Variants in EPS15 observed in about 807,000 individuals in gnomAD.
EPS15 encodes the protein epidermal growth factor receptor pathway substrate 15, also known as epidermal growth factor receptor substrate 15.
In EPS15, 72 loss-of-function variants were observed where a neutral mutation model predicts 113.8. The observed-to-expected ratio is 0.63, with a 90% CI of 0.52 to 0.77. The LOEUF (loss-of-function observed/expected upper bound fraction) is 0.77. Ranked by LOEUF, EPS15 falls within the 30% of genes least tolerant of loss-of-function variation. The probability of loss-of-function intolerance (pLI) is 0.00; values close to 1 mark genes in which losing one functional copy is unlikely to be tolerated. For missense variants in EPS15, 1,048 were observed against 1,045.8 expected (o/e 1.00, Z -0.03); for synonymous variants, 344 against 363.4 (o/e 0.95, Z 0.61).
rs1288370555 is a variant in EPS15, at chr1:51,456,449, T to G, written c.561+4642A>C. On this transcript the variant is annotated intron_variant, in intron 8 of 24. Coordinates refer to ENST00000371733, the MANE Select transcript of EPS15 (RefSeq NM_001981.3). ...TAAGTCTTGAACAAAAAGATTCCTA[T>G]GTTCAAGTCAGTTTTGATTATCTAG... Among the ~76,000 whole-genome samples the G allele has an allele frequency of 2.0e-5, 3 of 152,234 alleles. No individual in the cohort carries two copies. The East Asian group carries it at 5.8e-4, about 29-fold the overall frequency.
rs746600631 is a variant in EPS15, at chr1:51,440,458, A to G, written c.955-26T>C. The stretch of plus-strand genomic sequence containing the variant: ...CTAAAAACAAAAAGTTCACAATTAT[A>G]CATTACTATAAAATTAGGTAATATA... On this transcript the variant is annotated intron_variant, in intron 11 of 24. Transcript: ENST00000371733. The G allele has an allele frequency of 1.7e-5, 20 of 1,181,774 alleles. No individual in the cohort carries two copies. The African/African-American group carries it at 2.3e-4, about 13-fold the overall frequency. 73.2% of individuals were successfully genotyped at this position (1,181,774 alleles called of 1,614,324 possible).
At chr1:51,515,349 T>G (rs766950543) in intron 1 of EPS15, among the ~76,000 whole-genome samples, 18 of 152,104 alleles carry the variant, frequency 1.2e-4, no homozygotes, top group Non-Finnish European at 5.9e-5. Flanking sequence ...GATGCACACT[T>G]GTAGTCCCAG....
chr1:51,457,099 C>T (rs1289510873), intron 8 of EPS15, among the ~76,000 whole-genome samples: 1 of 152,140 alleles, frequency 6.6e-6, no homozygotes, highest in Non-Finnish European at 1.5e-5. Context: ...TCCTGGCAAA[C>T]ACAGTGAAAC....
chr1:51,406,439 C>A (rs1047383493), intron 15 of EPS15, among the ~76,000 whole-genome samples: 1 of 152,132 alleles, frequency 6.6e-6, no homozygotes, highest in African/African-American at 2.4e-5. Context: ...CACACCACTG[C>A]ACTCGAGTGA....
rs1001180478 is a variant in EPS15 at position 51,409,168 on chromosome 1, C to T, written c.1275+367G>A. On this transcript the variant is annotated intron_variant, in intron 14 of 24. Transcript: ENST00000371733. ...ACTCCTGGGCTCCAGCAATTCCCCCCGCCTCAGACTCCCAAAGTGTTGGGA... is the reference window on the plus strand; with the variant it reads ...ACTCCTGGGCTCCAGCAATTCCCCCTGCCTCAGACTCCCAAAGTGTTGGGA... 3.9e-5 allele frequency among the ~76,000 whole-genome samples: 6 copies of T among 152,056 alleles called. 1 individual carries two copies. The highest frequency in any genetic ancestry group is 5.9e-5 in the Non-Finnish European group (4 of 68,000).
intron 12 of EPS15, among the ~76,000 whole-genome samples, chr1:51,426,134 G>A (rs1203257828): frequency 6.6e-6 from 1 of 151,882 alleles, no homozygotes; most frequent in African/African-American, 2.4e-5. Context: ...CATCACTGTA[G>A]TGGTGATGTA....
In EPS15 at chr1:51,430,896, C is replaced by T. The variant is rs117650447; in HGVS notation, c.1041-9038G>A. Among the ~76,000 whole-genome samples the T allele has an allele frequency of 6.2e-4, 94 of 150,950 alleles. 5 individuals carry two copies. In the East Asian group the frequency reaches 0.018, roughly 28 times the overall value. ...ACTGCTTAAGCCTGGGAGGTCAAGG[C>T]TAAAGTGACCCATGATCACGCCACT... On this transcript the variant is annotated intron_variant, in intron 12 of 24. Coordinates refer to ENST00000371733, the MANE Select transcript of EPS15 (RefSeq NM_001981.3).
chr1:51,357,547 G>A (rs1646267723), intron 24 of EPS15, among the ~76,000 whole-genome samples: 1 of 144,960 alleles, frequency 6.9e-6, no homozygotes, highest in South Asian at 2.2e-4. Context: ...CTAATGTAAT[G>A]TAAAATATTT....
At chr1:51,468,122 C>G (rs1024069037) in intron 5 of EPS15, among the ~76,000 whole-genome samples, 4 of 151,992 alleles carry the variant, frequency 2.6e-5, no homozygotes, top group Non-Finnish European at 4.4e-5. Context: ...ACACACTCGG[C>G]TAAATTTTAG....
Position 51,423,261 on chromosome 1 carries a change from C to G in EPS15, c.1041-1403G>C, listed in dbSNP as rs1209382617. The G allele has an allele frequency of 2.3e-6, 3 of 1,288,466 alleles. No homozygotes were observed. In the South Asian group the frequency reaches 3.7e-5, roughly 16 times the overall value. 79.8% of individuals were successfully genotyped at this position (1,288,466 alleles called of 1,614,324 possible). On this transcript the variant is annotated intron_variant, in intron 12 of 24. Coordinates refer to ENST00000371733, the MANE Select transcript of EPS15 (RefSeq NM_001981.3). ...CGCGATGTTGTGATTTTAAACAGTC[C>G]CTTACCATGAGAATCATTGTTGCAG... is the stretch of plus-strand genomic sequence containing the variant.
In EPS15 at chr1:51,408,682, C is replaced by T. The variant is rs572257751; in HGVS notation, c.1276-350G>A. Among the ~76,000 whole-genome samples, 197 of 151,934 alleles carry T rather than the reference C, an allele frequency of 1.3e-3. 1 individual carries two copies. The highest frequency in any genetic ancestry group is 4.2e-3 in the African/African-American group (173 of 41,444). On this transcript the variant is annotated intron_variant, in intron 14 of 24. Coordinates refer to ENST00000371733, the MANE Select transcript of EPS15 (RefSeq NM_001981.3). ...TCACCCAGGCTGGAGTGCAATGGCA[C>T]GATCACAGCTCACTTCAGACTTCAG...
intron 1 of EPS15, among the ~76,000 whole-genome samples, chr1:51,489,001 C>G (rs1316468064): frequency 6.6e-6 from 1 of 151,790 alleles, no homozygotes; most frequent in African/African-American, 2.4e-5. Context: ...GGGAAAAATA[C>G]AGCAACACGA....
intron 13 of EPS15, among the ~76,000 whole-genome samples, chr1:51,413,590 A>C (rs1649943837): frequency 6.6e-6 from 1 of 152,222 alleles, no homozygotes; most frequent in Non-Finnish European, 1.5e-5. Context: ...TTAATACCCC[A>C]AACTGACCTA....
chr1:51,415,915 A>T (rs1348950275), intron 13 of EPS15, among the ~76,000 whole-genome samples: 1 of 151,936 alleles, frequency 6.6e-6, no homozygotes, highest in African/African-American at 2.4e-5. Flanking sequence ...ATCAAAATGA[A>T]CTCATGCAAA....
intron 2 of EPS15, among the ~76,000 whole-genome samples, chr1:51,477,692 T>C (rs1015954443): frequency 6.6e-6 from 1 of 152,254 alleles, no homozygotes; most frequent in Admixed American, 6.5e-5. Flanking sequence ...TCTTTATTTC[T>C]GCCTTCATTT....
intron 8 of EPS15, among the ~76,000 whole-genome samples, 190 bp from the exon 9 acceptor site, chr1:51,448,325 AAG>A (rs1653242707): frequency 1.3e-5 from 2 of 152,204 alleles, no homozygotes; most frequent in African/African-American, 4.8e-5. Flanking sequence ...AATAAAAACT[AAG>A]AAATTTTTAG....
intron 12 of EPS15, chr1:51,423,195 G>C (rs1570270887): frequency 7.8e-7 from 1 of 1,288,406 alleles, no homozygotes; most frequent in East Asian, 5.5e-5. Context: ...AGATGGCCAA[G>C]GAGCTCACTA....
intron 23 of EPS15, among the ~76,000 whole-genome samples, chr1:51,362,769 T>C: frequency 6.6e-6 from 1 of 152,104 alleles, no homozygotes; most frequent in Non-Finnish European, 1.5e-5. Context: ...CTGTAACTAC[T>C]GAGACTGAAA....
At chr1:51,384,265 T>C (rs1032613848) in intron 21 of EPS15, among the ~76,000 whole-genome samples, 1 of 151,166 alleles carries the variant, frequency 6.6e-6, no homozygotes, top group Non-Finnish European at 1.5e-5. Context: ...GGAACCTGAA[T>C]AGCCAAAGCA....
Sources: allele counts gnomAD v4.1 joint callset (sites outside exome capture counted in the v4.1 genomes callset), GRCh38; gene constraint gnomAD v4.1.1; transcripts MANE v1.5; gene names NCBI Gene and HGNC (gene_info 2026-07-23, HGNC 2026-07-21).